Variants in ATP8A2 observed in about 807,000 individuals in gnomAD.
The protein encoded by ATP8A2 is ATPase phospholipid transporting 8A2.
Under a neutral mutation model 165.6 loss-of-function variants are expected in ATP8A2, and 100 were observed. The ratio of observed to expected loss-of-function variants is 0.60; its 90% CI spans 0.51 to 0.71. The LOEUF is 0.71. Ranked by LOEUF, ATP8A2 falls within the 30% of genes least tolerant of loss-of-function variation. ATP8A2 has a pLI of 0.00. For missense variants in ATP8A2, 1,227 were observed against 1,479.5 expected, an observed-to-expected ratio of 0.83 and a Z score of 2.80; for synonymous variants, 543 against 548.8, an observed-to-expected ratio of 0.99 and a Z score of 0.15.
chr13:25,531,354 GTTATATATGAT>G (rs1566229877), intron 4 of ATP8A2, among the ~76,000 whole-genome samples: 1 of 124,434 alleles, frequency 8.0e-6, no homozygotes, highest in African/African-American at 3.2e-5. Context: ...TGATATATAT[GTTATATATGAT>G]ATATATATGT....
intron 24 of ATP8A2, among the ~76,000 whole-genome samples, chr13:25,654,806 A>T (rs2137650928): frequency 6.6e-6 from 1 of 152,310 alleles, no homozygotes; most frequent in East Asian, 1.9e-4. Context: ...TGCAGGTGGT[A>T]CATAGAAATG....
intron 27 of ATP8A2, among the ~76,000 whole-genome samples, chr13:25,816,822 G>A (rs1238208642): frequency 6.6e-6 from 1 of 152,136 alleles, no homozygotes; most frequent in East Asian, 1.9e-4. Flanking sequence ...TTCACACCTT[G>A]CCCAGGCCAC....
At chr13:25,432,241 A>G (rs1034288461) in intron 1 of ATP8A2, among the ~76,000 whole-genome samples, 1 of 152,168 alleles carries the variant, frequency 6.6e-6, no homozygotes, top group African/African-American at 2.4e-5. Context: ...CACCTCGCTC[A>G]GCACAGGAGC....
In ATP8A2 at chr13:26,024,812, T is replaced by G. The variant is rs758576463; in HGVS notation, c.*4827T>G. On this transcript the variant is annotated 3_prime_UTR_variant, in exon 37 of 37. Transcript: ENST00000381655. ...CCTGGCTGAAGAAAGAAAGGAGACC[T>G]GTTTGTTTTAAAAGTCGGGCGCAAA... 1.3e-5 allele frequency: 2 copies of G among 152,132 alleles called. No homozygotes were observed. Among genetic ancestry groups the G allele is most frequent in the South Asian group, 4.1e-4 (2 of 4,832 alleles). 9.4% of individuals were successfully genotyped at this position (152,132 alleles called of 1,614,324 possible).
chr13:25,956,880 G>C (rs1955537222), intron 33 of ATP8A2, among the ~76,000 whole-genome samples: 2 of 152,168 alleles, frequency 1.3e-5, no homozygotes, highest in Admixed American at 1.3e-4. Flanking sequence ...ATATTACAAG[G>C]CTACAGTAAC....
chr13:25,648,082 C>T (rs1247967350), intron 24 of ATP8A2, among the ~76,000 whole-genome samples: 1 of 152,018 alleles, frequency 6.6e-6, no homozygotes, highest in Non-Finnish European at 1.5e-5. Flanking sequence ...GATGATATCC[C>T]ATAATTTTCA....
intron 2 of ATP8A2, among the ~76,000 whole-genome samples, chr13:25,501,314 G>A (rs2036846975): frequency 6.6e-6 from 1 of 152,156 alleles, no homozygotes; most frequent in Non-Finnish European, 1.5e-5. Context: ...CCTTCCCTCT[G>A]GTTTCCATGA....
intron 1 of ATP8A2, among the ~76,000 whole-genome samples, chr13:25,375,830 C>G (rs928173803): frequency 6.6e-6 from 1 of 152,144 alleles, no homozygotes; most frequent in African/African-American, 2.4e-5. Context: ...CTCGACCTCC[C>G]TAAGTGCTGG....
intron 1 of ATP8A2, among the ~76,000 whole-genome samples, chr13:25,462,408 A>G (rs2035527964): frequency 6.6e-6 from 1 of 152,156 alleles, no homozygotes; most frequent in Non-Finnish European, 1.5e-5. Context: ...TTATGGTTAC[A>G]GTTTTACTAC....
chr13:26,005,369 C>T (rs1188559794), intron 35 of ATP8A2, among the ~76,000 whole-genome samples: 1 of 151,754 alleles, frequency 6.6e-6, no homozygotes, highest in African/African-American at 2.4e-5. Context: ...GTTTGTAGAT[C>T]TTATCTTTGG....
chr13:25,597,143 A>G (rs2040256475), intron 24 of ATP8A2, among the ~76,000 whole-genome samples: 1 of 152,186 alleles, frequency 6.6e-6, no homozygotes. Context: ...AGTTTTCTGA[A>G]TATATAATTT....
intron 25 of ATP8A2, among the ~76,000 whole-genome samples, chr13:25,727,062 G>C (rs140381581): frequency 6.6e-6 from 1 of 152,108 alleles, no homozygotes; most frequent in East Asian, 1.9e-4. Context: ...TCCATCAGGG[G>C]TACATGCATG....
Position 25,372,801 on chromosome 13 carries a change from C to T in ATP8A2, c.76+513C>T, listed in dbSNP as rs1008842204. Among the ~76,000 whole-genome samples the T allele has an allele frequency of 6.6e-6, 1 of 152,224 alleles. No individual in the cohort carries two copies. Among genetic ancestry groups the T allele is most frequent in the African/African-American group, 2.4e-5 (1 of 41,464 alleles). On this transcript the variant is annotated intron_variant, in intron 1 of 36. Transcript: ENST00000381655. This position sits in a 1 kb window ranked among gnomAD's most constrained non-coding sequence, Gnocchi z 4.8. Reference sequence around the variant, plus strand: ...ACTTGGAGCCCCGGGTCCTCGCGCGCTCACAGCGGCGACGTACTGGCTCAT... The same window carrying T: ...ACTTGGAGCCCCGGGTCCTCGCGCGTTCACAGCGGCGACGTACTGGCTCAT...
chr13:25,444,962 T>C (rs1204481283), intron 1 of ATP8A2, among the ~76,000 whole-genome samples: 1 of 152,228 alleles, frequency 6.6e-6, no homozygotes, highest in Non-Finnish European at 1.5e-5. Context: ...ATGTGTTTAT[T>C]GGCCATTTGG....
At chr13:25,785,293 G>A (rs1306965846) in intron 27 of ATP8A2, among the ~76,000 whole-genome samples, 2 of 151,772 alleles carry the variant, frequency 1.3e-5, no homozygotes, top group African/African-American at 2.4e-5. Flanking sequence ...TCAGCTACTC[G>A]GGAGGCTGAG....
At chr13:25,637,857 A>C (rs186519563) in intron 24 of ATP8A2, among the ~76,000 whole-genome samples, 5,250 of 152,268 alleles carry the variant, frequency 0.034, 156 homozygotes, top group East Asian at 0.13. Flanking sequence ...AGGCATCCCC[A>C]AGTAGGGGCA....
At chr13:25,528,217 T>A (rs1169775757) in intron 2 of ATP8A2, among the ~76,000 whole-genome samples, 1 of 152,230 alleles carries the variant, frequency 6.6e-6, no homozygotes, top group East Asian at 1.9e-4. Flanking sequence ...GAGATCCATG[T>A]CAGCAAATTT....
intron 1 of ATP8A2, among the ~76,000 whole-genome samples, chr13:25,386,542 C>T (rs1489790018): frequency 6.6e-6 from 1 of 152,202 alleles, no homozygotes. Context: ...CCTCTTCTCT[C>T]TAAGAATGAA....
At chr13:25,840,519 C>T (rs865951341) in intron 30 of ATP8A2, among the ~76,000 whole-genome samples, 1 of 152,290 alleles carries the variant, frequency 6.6e-6, no homozygotes, top group Admixed American at 6.5e-5. Context: ...GTGATATAGT[C>T]TTTCAATTTC....
Sources: gnomAD v4.1 joint callset for allele counts (sites outside exome capture counted in the v4.1 genomes callset) on GRCh38, gnomAD v4.1.1 for gene constraint, Gnocchi (gnomAD v3.1) non-coding constraint, MANE v1.5 for transcripts, NCBI Gene and HGNC (gene_info 2026-07-23, HGNC 2026-07-21) for gene names.